The following HTR1F variants were observed in gnomAD, a reference collection of about 807,000 sequenced individuals.
HTR1F encodes the protein 5-hydroxytryptamine (serotonin) receptor 1F, G protein-coupled.
HTR1F carries 17 observed loss-of-function variants against 24.0 expected under a neutral mutation model. That is an observed-to-expected ratio of 0.71 (90% CI 0.48 to 1.06). The LOEUF is 1.06. Among genes scored for constraint, HTR1F ranks in the 50% least tolerant of loss-of-function variants. HTR1F has a pLI of 0.00. For missense variants in HTR1F, 391 were observed against 427.8 expected (o/e 0.91, Z 0.76); for synonymous variants, 186 against 156.8 (o/e 1.19, Z -1.39).
At chr3:87,880,884 G>C (rs1705778795) in intron 2 of HTR1F, among the ~76,000 whole-genome samples, 1 of 152,138 alleles carries the variant, frequency 6.6e-6, no homozygotes, top group Non-Finnish European at 1.5e-5. Context: ...TCATCTTAAT[G>C]AGCCTGCTCA....
intron 1 of HTR1F, among the ~76,000 whole-genome samples, chr3:87,818,415 T>C (rs1704290253): frequency 6.6e-6 from 1 of 152,106 alleles, no homozygotes; most frequent in Non-Finnish European, 1.5e-5. Flanking sequence ...ATTTAAGCCA[T>C]CCTGCCAAGT....
At chr3:87,868,036 T>G (rs1030729015) in intron 2 of HTR1F, among the ~76,000 whole-genome samples, 43 of 152,124 alleles carry the variant, frequency 2.8e-4, no homozygotes, top group Admixed American at 7.9e-4. Flanking sequence ...TGGGTTTTTG[T>G]GTTTTCCTCC....
intron 2 of HTR1F, among the ~76,000 whole-genome samples, chr3:87,905,223 T>C (rs1324948941): frequency 1.3e-5 from 2 of 151,946 alleles, no homozygotes; most frequent in Admixed American, 6.6e-5. Context: ...AGCAGGAGGA[T>C]TTCTTGAGCC....
chr3:87,949,369 T>G (rs1704784190), intron 2 of HTR1F, among the ~76,000 whole-genome samples: 1 of 152,180 alleles, frequency 6.6e-6, no homozygotes. Flanking sequence ...CTAGAAAAGG[T>G]CTTTGTAAGG....
At chr3:87,842,928 T>C (rs139315483) in intron 2 of HTR1F, among the ~76,000 whole-genome samples, 1 of 151,812 alleles carries the variant, frequency 6.6e-6, no homozygotes, top group African/African-American at 2.4e-5. Context: ...ACTACAGGTT[T>C]GAAAGGACAC....
chr3:87,978,220 C>A (rs1288798768), intron 2 of HTR1F, among the ~76,000 whole-genome samples: 1 of 152,152 alleles, frequency 6.6e-6, no homozygotes, highest in East Asian at 1.9e-4. Flanking sequence ...CTCCAGAAAT[C>A]GCAGAGACCC....
At chr3:87,928,878 G>A (rs903779132) in intron 2 of HTR1F, among the ~76,000 whole-genome samples, 6 of 152,094 alleles carry the variant, frequency 3.9e-5, no homozygotes, top group Non-Finnish European at 8.8e-5. Flanking sequence ...TGTAATCCAG[G>A]TACCAAGAAA....
intron 1 of HTR1F, among the ~76,000 whole-genome samples, chr3:87,802,061 T>C (rs1376595164): frequency 4.1e-4 from 42 of 102,164 alleles, no homozygotes; most frequent in African/African-American, 1.7e-3. Flanking sequence ...TCCTTCCTTT[T>C]CTTTCTTTCC....
intron 1 of HTR1F, among the ~76,000 whole-genome samples, chr3:87,821,605 C>T (rs904743183): frequency 2.6e-5 from 4 of 152,140 alleles, no homozygotes; most frequent in African/African-American, 9.7e-5. Context: ...ACTGTTCATG[C>T]TCCCTGGTGT....
rs1333810198 is a variant in HTR1F at position 87,927,062 on chromosome 3, C to G, written c.-42-63646C>G. On this transcript the variant is annotated intron_variant, in intron 2 of 2. Transcript: ENST00000319595. ...ATGACAGGGGAGTGGTGGAAAGCCA[C>G]AGTCGAGGCTTTGTAGAGGACTCTC... is the stretch of plus-strand genomic sequence containing the variant. 4.0e-4 allele frequency among the ~76,000 whole-genome samples: 61 copies of G among 152,254 alleles called. 1 individual carries two copies. The highest frequency in any genetic ancestry group is 1.4e-3 in the African/African-American group (59 of 41,562).
At chr3:87,853,775 A>G (rs1223273772) in intron 2 of HTR1F, among the ~76,000 whole-genome samples, 1 of 152,046 alleles carries the variant, frequency 6.6e-6, no homozygotes, top group Non-Finnish European at 1.5e-5. Context: ...GTGAGATGGT[A>G]TCTCATTGTA....
intron 2 of HTR1F, among the ~76,000 whole-genome samples, chr3:87,836,599 C>T (rs1250049948): frequency 6.6e-6 from 1 of 152,050 alleles, no homozygotes; most frequent in Non-Finnish European, 1.5e-5. Flanking sequence ...ACTAGTATTT[C>T]TTAGAATGTT....
chr3:87,978,239 G>A (rs1705442108), intron 2 of HTR1F, among the ~76,000 whole-genome samples: 1 of 152,186 alleles, frequency 6.6e-6, no homozygotes, highest in Non-Finnish European at 1.5e-5. Flanking sequence ...CCCAAAGAGG[G>A]TGTCATCTCG....
At chr3:87,931,061 T>C (rs1010929625) in intron 2 of HTR1F, among the ~76,000 whole-genome samples, 7 of 151,298 alleles carry the variant, frequency 4.6e-5, no homozygotes, top group African/African-American at 1.7e-4. Flanking sequence ...TTTTTATTGT[T>C]ATTATTATAC....
chr3:87,910,809 C>A (rs1374467779), intron 2 of HTR1F, among the ~76,000 whole-genome samples: 1 of 151,856 alleles, frequency 6.6e-6, no homozygotes, highest in Non-Finnish European at 1.5e-5. Context: ...GAAATCAATA[C>A]TTTAAAAATT....
chr3:87,803,986 T>C (rs1016674461), intron 1 of HTR1F, among the ~76,000 whole-genome samples: 1 of 152,136 alleles, frequency 6.6e-6, no homozygotes, highest in Non-Finnish European at 1.5e-5. Context: ...AAATCCACAT[T>C]ACAATTCAGT....
chr3:87,898,018 A>T (rs1281458172), intron 2 of HTR1F, among the ~76,000 whole-genome samples: 3 of 152,082 alleles, frequency 2.0e-5, no homozygotes, highest in Non-Finnish European at 4.4e-5. Context: ...AGATGAATAG[A>T]TCAAAGGATG....
intron 2 of HTR1F, among the ~76,000 whole-genome samples, chr3:87,936,286 T>C (rs1179207814): frequency 6.6e-6 from 1 of 152,246 alleles, no homozygotes; most frequent in African/African-American, 2.4e-5. Flanking sequence ...ATGCTAAAAT[T>C]AAGTCTTTGT....
At chr3:87,931,826 T>G (rs1258712306) in intron 2 of HTR1F, among the ~76,000 whole-genome samples, 6 of 149,796 alleles carry the variant, frequency 4.0e-5, no homozygotes, top group Non-Finnish European at 8.9e-5. Flanking sequence ...TCATGTGTCT[T>G]TTGGCTGCAT....
Sources: allele counts gnomAD v4.1 joint callset (sites outside exome capture counted in the v4.1 genomes callset), GRCh38; gene constraint gnomAD v4.1.1; transcripts MANE v1.5; gene names NCBI Gene and HGNC (gene_info 2026-07-23, HGNC 2026-07-21).